LPP: variants seen among roughly 807,000 people sequenced by gnomAD.
LPP encodes lipoma-preferred partner.
LPP carries 38 observed loss-of-function variants against 60.4 expected under a neutral mutation model. The ratio of observed to expected loss-of-function variants is 0.63; its 90% CI spans 0.49 to 0.83. LPP has a LOEUF of 0.83. Among genes scored for constraint, LPP ranks in the 40% least tolerant of loss-of-function variants. LPP has a pLI of 0.00. For missense variants in LPP, 902 were observed against 783.6 expected (o/e 1.15, Z -1.80); for synonymous variants, 328 against 290.8 (o/e 1.13, Z -1.30).
intron 2 of LPP, among the ~76,000 whole-genome samples, chr3:188,229,229 C>A (rs1369250366): frequency 6.6e-6 from 1 of 152,122 alleles, no homozygotes; most frequent in African/African-American, 2.4e-5. Context: ...CTTGAGAGAA[C>A]CCATAGAAGC....
intron 6 of LPP, among the ~76,000 whole-genome samples, chr3:188,537,813 A>T (rs1824045832): frequency 6.6e-6 from 1 of 152,136 alleles, no homozygotes; most frequent in Admixed American, 6.5e-5. Flanking sequence ...AAGATGAGGA[A>T]GTTTCCGACA....
intron 8 of LPP, among the ~76,000 whole-genome samples, chr3:188,756,410 TCC>T (rs1730268515): frequency 6.6e-6 from 1 of 152,188 alleles, no homozygotes; most frequent in Non-Finnish European, 1.5e-5. Context: ...CAGCTGTGTT[TCC>T]TTCATGCTCT....
At chr3:188,457,625 G>C (rs550768536) in intron 4 of LPP, among the ~76,000 whole-genome samples, 1 of 151,700 alleles carries the variant, frequency 6.6e-6, no homozygotes, top group Non-Finnish European at 1.5e-5. Context: ...AGGTGCGGTG[G>C]CTCACACCTG....
intron 7 of LPP, among the ~76,000 whole-genome samples, chr3:188,657,624 T>C (rs1169380339): frequency 1.3e-5 from 2 of 152,124 alleles, no homozygotes; most frequent in Non-Finnish European, 2.9e-5. Flanking sequence ...CCTTTTTTTC[T>C]TAGCCTTTCT....
intron 6 of LPP, among the ~76,000 whole-genome samples, chr3:188,553,129 G>T (rs1171623999): frequency 6.6e-6 from 1 of 152,118 alleles, no homozygotes; most frequent in Non-Finnish European, 1.5e-5. Context: ...CAATTGAAGT[G>T]GGTAGCTTGT....
At chr3:188,633,591 T>C (rs1023060772) in intron 7 of LPP, among the ~76,000 whole-genome samples, 1 of 152,176 alleles carries the variant, frequency 6.6e-6, no homozygotes, top group Non-Finnish European at 1.5e-5. Flanking sequence ...TTTTTCCAGA[T>C]AACATATTCT....
In LPP at chr3:188,725,785, G is replaced by T. The variant is rs528053203; in HGVS notation, c.1240+17392G>T. Among the ~76,000 whole-genome samples the T allele has an allele frequency of 3.9e-5, 6 of 152,198 alleles. No homozygotes were observed. In the South Asian group the frequency reaches 1.2e-3, roughly 32 times the overall value. On this transcript the variant is annotated intron_variant, in intron 8 of 11. Coordinates refer to ENST00000617246, the MANE Select transcript of LPP (RefSeq NM_001375462.1). Reference sequence around the variant, plus strand: ...ATTGCTGGAGTTTGGTGATATGGGAGGAAAGAAGTTAGAATGGCTTACTAT... The same window carrying T: ...ATTGCTGGAGTTTGGTGATATGGGATGAAAGAAGTTAGAATGGCTTACTAT...
chr3:188,444,791 A>G (rs192010337), intron 4 of LPP, among the ~76,000 whole-genome samples: 1 of 152,342 alleles, frequency 6.6e-6, no homozygotes, highest in East Asian at 1.9e-4. Flanking sequence ...TGTACAAGAA[A>G]AAAACAAACA....
chr3:188,743,001 A>G (rs1254742071), intron 8 of LPP, among the ~76,000 whole-genome samples: 1 of 152,098 alleles, frequency 6.6e-6, no homozygotes, highest in Non-Finnish European at 1.5e-5. Context: ...AAAGGATGGC[A>G]AGAACCTGAA....
At chr3:188,221,668 C>T (rs1715831469) in intron 1 of LPP, among the ~76,000 whole-genome samples, 1 of 152,140 alleles carries the variant, frequency 6.6e-6, no homozygotes, top group Non-Finnish European at 1.5e-5. Context: ...GTTTGTTTCC[C>T]ACATACCAGT....
chr3:188,358,906 G>C (rs1032858259), intron 3 of LPP, among the ~76,000 whole-genome samples: 5 of 152,204 alleles, frequency 3.3e-5, no homozygotes, highest in African/African-American at 9.7e-5. Context: ...GGCCACACGA[G>C]TCTGGAAAAT....
At chr3:188,437,927 A>G (rs1321912264) in intron 4 of LPP, among the ~76,000 whole-genome samples, 1 of 152,212 alleles carries the variant, frequency 6.6e-6, no homozygotes, top group Non-Finnish European at 1.5e-5. Flanking sequence ...TAAGTGTGAT[A>G]GCTTTGCCGA....
rs79654175 is a variant in LPP at position 188,732,889 on chromosome 3, T to C, written c.1240+24496T>C. ...TGAAAATGCTCTTTCAACTATAAAG[T>C]ATTAGAGTTGAGAAAGTTCTTTTTG... On this transcript the variant is annotated intron_variant, in intron 8 of 11. Transcript: ENST00000617246. 5.9e-3 allele frequency among the ~76,000 whole-genome samples: 894 copies of C among 152,104 alleles called. 13 individuals are homozygous for C. Among genetic ancestry groups the C allele is most frequent in the African/African-American group, 0.021 (856 of 41,508 alleles).
At chr3:188,537,664 G>C (rs985805568) in intron 6 of LPP, among the ~76,000 whole-genome samples, 6 of 152,162 alleles carry the variant, frequency 3.9e-5, no homozygotes, top group Non-Finnish European at 5.9e-5. Flanking sequence ...ATATTGTTAA[G>C]TGGGATACTC....
intron 5 of LPP, among the ~76,000 whole-genome samples, chr3:188,520,919 T>C (rs1276552673): frequency 6.6e-6 from 1 of 152,186 alleles, no homozygotes; most frequent in Non-Finnish European, 1.5e-5. Flanking sequence ...GAAAGACATG[T>C]TGGTAAGTCT....
chr3:188,560,191 A>T (rs566117294), intron 6 of LPP, among the ~76,000 whole-genome samples: 1 of 152,260 alleles, frequency 6.6e-6, no homozygotes, highest in South Asian at 2.1e-4. Context: ...GACAGGTAGT[A>T]GGTGCAGGTT....
chr3:188,823,404 T>C (rs898342029), intron 9 of LPP, among the ~76,000 whole-genome samples: 1 of 152,132 alleles, frequency 6.6e-6, no homozygotes, highest in African/African-American at 2.4e-5. Context: ...CCCTGGGATA[T>C]TAAATAAAAT....
At chr3:188,523,355 C>T (rs935215296) in intron 5 of LPP, among the ~76,000 whole-genome samples, 1 of 152,116 alleles carries the variant, frequency 6.6e-6, no homozygotes, top group African/African-American at 2.4e-5. Flanking sequence ...TTAACTCAAG[C>T]TGACTAAGTT....
At chr3:188,671,964 T>A (rs1857036875) in intron 7 of LPP, among the ~76,000 whole-genome samples, 1 of 152,236 alleles carries the variant, frequency 6.6e-6, no homozygotes, top group Non-Finnish European at 1.5e-5. Flanking sequence ...TATTCTTCAT[T>A]GGTTGCTAGT....
Sources: gnomAD v4.1 joint callset for allele counts (sites outside exome capture counted in the v4.1 genomes callset) on GRCh38, gnomAD v4.1.1 for gene constraint, MANE v1.5 for transcripts, NCBI Gene and HGNC (gene_info 2026-07-23, HGNC 2026-07-21) for gene names.